Variants in STXBP6 observed in about 807,000 individuals in gnomAD.
The protein encoded by STXBP6 is syntaxin binding protein 6, also known as syntaxin-binding protein 6.
A neutral mutation model predicts 26.9 loss-of-function variants in STXBP6; 21 were observed. The observed-to-expected ratio is 0.78, with a 90% CI of 0.55 to 1.12. The LOEUF is 1.12. STXBP6 is among the 50% of genes most tolerant of loss of function. The pLI is 0.00. For synonymous variants in STXBP6, 97 were observed against 92.6 expected (o/e 1.05, Z -0.27); for missense variants, 232 against 257.9 (o/e 0.90, Z 0.69).
At position 25,049,042 on chromosome 14, in the gene STXBP6, C is replaced by G; in HGVS notation, c.-33+836G>C. On this transcript the variant is annotated intron_variant, in intron 1 of 5. Coordinates refer to ENST00000323944, the MANE Select transcript of STXBP6 (RefSeq NM_001394410.1). The surrounding 1 kb of genome is among the most constrained non-coding windows in gnomAD (Gnocchi z 5.6). ...TCGTTATGAAATCCTGGGGCCAGAA[C>G]CAAGGGCAGATACACCCCGGGGACT... The G allele has an allele frequency of 3.8e-6, 2 of 532,814 alleles. No individual in the cohort carries two copies. The highest frequency in any genetic ancestry group is 4.8e-6 in the Non-Finnish European group (2 of 416,162). 33.0% of individuals were successfully genotyped at this position (532,814 alleles called of 1,614,324 possible).
At chr14:24,841,276 T>C (rs1305239892) in intron 4 of STXBP6, among the ~76,000 whole-genome samples, 1 of 152,248 alleles carries the variant, frequency 6.6e-6, no homozygotes, top group African/African-American at 2.4e-5. Flanking sequence ...GATATTAATG[T>C]ATTGACTTTT....
rs568846013 is a variant in STXBP6 at position 24,871,381 on chromosome 14, G to A, written c.155-14224C>T. On this transcript the variant is annotated intron_variant, in intron 2 of 5. Transcript: ENST00000323944. ...TTGGAAGTAGGAAGATGGCACTGAG[G>A]AAGAAAAGATTAAAAAATGAAAGGT... Among the ~76,000 whole-genome samples, 16 of 152,260 alleles carry A rather than the reference G, an allele frequency of 1.1e-4. No homozygotes were observed. The South Asian group carries it at 2.9e-3, about 28-fold the overall frequency.
chr14:24,952,831 A>G (rs1377635771), intron 2 of STXBP6, among the ~76,000 whole-genome samples: 1 of 152,214 alleles, frequency 6.6e-6, no homozygotes, highest in East Asian at 1.9e-4. Context: ...AGATGTGACC[A>G]GAGGGCATTC....
intron 5 of STXBP6, among the ~76,000 whole-genome samples, chr14:24,814,548 G>A (rs531971134): frequency 1.7e-4 from 26 of 152,336 alleles, no homozygotes; most frequent in African/African-American, 6.3e-4. Flanking sequence ...ACCAGACCCT[G>A]GTAACCAGGA....
chr14:24,971,731 G>C (rs990701683), intron 2 of STXBP6, among the ~76,000 whole-genome samples: 17 of 152,042 alleles, frequency 1.1e-4, no homozygotes, highest in Non-Finnish European at 2.5e-4. Flanking sequence ...AAAACTCTTG[G>C]TTCTCCAAAC....
At chr14:24,859,131 G>C (rs1375833540) in intron 2 of STXBP6, among the ~76,000 whole-genome samples, 1 of 152,176 alleles carries the variant, frequency 6.6e-6, no homozygotes, top group Non-Finnish European at 1.5e-5. Flanking sequence ...TTGAAAGTTT[G>C]TCATTGAAAT....
intron 2 of STXBP6, among the ~76,000 whole-genome samples, chr14:24,906,865 C>G (rs146255296): frequency 1.5e-3 from 227 of 152,136 alleles, no homozygotes; most frequent in African/African-American, 5.4e-3. Context: ...GCAGAAACTA[C>G]TCAATGAACA....
chr14:24,953,362 A>G (rs1459642005), intron 2 of STXBP6, among the ~76,000 whole-genome samples: 1 of 152,154 alleles, frequency 6.6e-6, no homozygotes, highest in Non-Finnish European at 1.5e-5. Context: ...ATGAGGATGT[A>G]AACCTATCTT....
chr14:24,914,048 A>G (rs1005945376), intron 2 of STXBP6, among the ~76,000 whole-genome samples: 6 of 152,184 alleles, frequency 3.9e-5, no homozygotes, highest in Non-Finnish European at 8.8e-5. Context: ...TCATTTGGTA[A>G]CAGATACTAA....
At chr14:24,843,151 C>T (rs546952885) in intron 4 of STXBP6, among the ~76,000 whole-genome samples, 174 of 152,166 alleles carry the variant, frequency 1.1e-3, no homozygotes, top group Admixed American at 3.3e-3. Context: ...TCAGTTTCTT[C>T]GCCTGTAAAG....
chr14:24,849,004 T>TG (rs2139101138), intron 4 of STXBP6, among the ~76,000 whole-genome samples: 1 of 152,264 alleles, frequency 6.6e-6, no homozygotes, highest in East Asian at 1.9e-4. Context: ...CAATATCAGA[T>TG]GGTTACTTTG....
At chr14:24,906,092 A>T (rs138665266) in intron 2 of STXBP6, among the ~76,000 whole-genome samples, 1 of 152,216 alleles carries the variant, frequency 6.6e-6, no homozygotes, top group Non-Finnish European at 1.5e-5. Flanking sequence ...TCTTGATTAA[A>T]TATTTGTTTC....
At chr14:25,020,045 T>C (rs1318814021) in intron 1 of STXBP6, among the ~76,000 whole-genome samples, 1 of 152,116 alleles carries the variant, frequency 6.6e-6, no homozygotes, top group Non-Finnish European at 1.5e-5. Flanking sequence ...AAGCCTGATA[T>C]ACATTACACA....
chr14:24,880,579 T>C (rs1475297153), intron 2 of STXBP6, among the ~76,000 whole-genome samples: 4 of 152,172 alleles, frequency 2.6e-5, no homozygotes, highest in African/African-American at 7.2e-5. Flanking sequence ...CATTGCTCCC[T>C]ACCATCTGGT....
At chr14:24,923,115 A>T (rs1047459060) in intron 2 of STXBP6, among the ~76,000 whole-genome samples, 2 of 152,140 alleles carry the variant, frequency 1.3e-5, no homozygotes, top group African/African-American at 4.8e-5. Context: ...CCCTGCCTCC[A>T]TAAAAGATGA....
intron 1 of STXBP6, chr14:24,995,011 CAAAAA>C (rs34166172): frequency 3.6e-4 from 35 of 96,656 alleles, no homozygotes; most frequent in African/African-American, 8.1e-4. Flanking sequence ...GACTCCATGT[CAAAAA>C]AAAAAAAAAA....
chr14:24,960,426 A>T (rs2073493845), intron 2 of STXBP6, among the ~76,000 whole-genome samples: 1 of 152,212 alleles, frequency 6.6e-6, no homozygotes, highest in Non-Finnish European at 1.5e-5. Context: ...TTTAAATTAC[A>T]TACATGAACT....
intron 2 of STXBP6, among the ~76,000 whole-genome samples, chr14:24,862,134 A>T (rs535433296): frequency 1.3e-5 from 2 of 152,196 alleles, no homozygotes; most frequent in South Asian, 4.1e-4. Context: ...ACTAGCTGGG[A>T]CTACAACACA....
intron 5 of STXBP6, among the ~76,000 whole-genome samples, chr14:24,818,793 T>C (rs543107947): frequency 6.6e-6 from 1 of 152,228 alleles, no homozygotes; most frequent in African/African-American, 2.4e-5. Flanking sequence ...CCATAGTTCC[T>C]AAAGATCCAA....
Sources: gnomAD v4.1 joint callset for allele counts (sites outside exome capture counted in the v4.1 genomes callset) on GRCh38, gnomAD v4.1.1 for gene constraint, Gnocchi (gnomAD v3.1) non-coding constraint, MANE v1.5 for transcripts, NCBI Gene and HGNC (gene_info 2026-07-23, HGNC 2026-07-21) for gene names.